The following IRAK1BP1 variants were observed in gnomAD, a reference collection of about 807,000 sequenced individuals.
The protein encoded by IRAK1BP1 is interleukin-1 receptor-associated kinase 1-binding protein 1.
A neutral mutation model predicts 28.0 loss-of-function variants in IRAK1BP1; 24 were observed. The ratio of observed to expected loss-of-function variants is 0.86; its 90% confidence interval spans 0.62 to 1.20. The LOEUF (loss-of-function observed/expected upper bound fraction) is 1.20. Ranked by LOEUF, IRAK1BP1 falls within the 50% of genes most tolerant of loss-of-function variation. IRAK1BP1 has a pLI of 0.00. For missense variants in IRAK1BP1, 336 were observed against 316.7 expected (o/e 1.06, Z -0.46); for synonymous variants, 131 against 116.3 (o/e 1.13, Z -0.81).
rs148472222 is a variant in IRAK1BP1, at chr6:78,878,325, G to A, written c.316-7053G>A. ...TCCAGAGGAAAGATCAGGCAGCAAC[G>A]TTTGCTGTTCTGCAGTATTTGCTGT... On this transcript the variant is annotated intron_variant, in intron 1 of 3. Coordinates refer to ENST00000369940, the MANE Select transcript of IRAK1BP1 (RefSeq NM_001010844.4). Among the ~76,000 whole-genome samples the A allele has an allele frequency of 5.7e-3, 864 of 152,310 alleles. 6 individuals are homozygous for A. Among genetic ancestry groups the A allele is most frequent in the African/African-American group, 0.02 (837 of 41,572 alleles).
rs144780527 is a variant in IRAK1BP1 at position 78,921,940 on chromosome 6, A to T, written c.*67+18830A>T. The stretch of plus-strand genomic sequence containing the variant: ...CCCATCTGTACATCACCATCATCAA[A>T]CACCAAAGGTAGATAAAACCACAAA... On this transcript the variant is annotated intron_variant and NMD_transcript_variant, in intron 4 of 4. Coordinates refer to the IRAK1BP1 transcript ENST00000606868. 2.9e-4 allele frequency among the ~76,000 whole-genome samples: 44 copies of T among 152,322 alleles called. No homozygotes were observed. The East Asian group carries it at 5.0e-3, about 17-fold the overall frequency.
At chr6:78,947,754 T>C (rs1408493465), downstream of IRAK1BP1, 1 of 1,608,456 alleles carries the variant, frequency 6.2e-7, no homozygotes, top group African/African-American at 1.3e-5. Context: ...TCCATTGGAG[T>C]GTCAATGATG....
At chr6:78,869,732 CT>C (rs1770723501) in intron 1 of IRAK1BP1, among the ~76,000 whole-genome samples, 1 of 152,140 alleles carries the variant, frequency 6.6e-6, no homozygotes, top group African/African-American at 2.4e-5. Flanking sequence ...TCATTTTAAA[CT>C]TTAGAATTCT....
the IRAK1BP1 span, chr6:78,963,322 A>T: frequency 8.2e-7 from 1 of 1,214,360 alleles, no homozygotes; most frequent in Non-Finnish European, 1.2e-6. Context: ...TTTAGAATGT[A>T]AAAATAACAG....
intron 4 of IRAK1BP1, among the ~76,000 whole-genome samples, chr6:78,943,120 A>T (rs1334218019): frequency 6.6e-6 from 1 of 152,188 alleles, no homozygotes; most frequent in Admixed American, 6.5e-5. Context: ...GATAAATAAA[A>T]TATTATTAAA....
intron 4 of IRAK1BP1, chr6:78,940,416 AGTGAATGAAATGAAT>A (rs1292274057): frequency 1.9e-5 from 3 of 154,048 alleles, no homozygotes; most frequent in African/African-American, 7.3e-5. Flanking sequence ...CGTTTCAAAC[AGTGAATGAAATGAAT>A]GTGAAAATGC....
At chr6:78,945,348 G>A (rs775318448) in intron 4 of IRAK1BP1, 1 of 1,613,656 alleles carries the variant, frequency 6.2e-7, no homozygotes, top group Non-Finnish European at 8.5e-7. Context: ...GCCTTTGGGA[G>A]TACAGATGAC....
At chr6:78,965,946 A>G in the IRAK1BP1 span, 1 of 1,595,016 alleles carries the variant, frequency 6.3e-7, no homozygotes, top group Non-Finnish European at 8.6e-7. Flanking sequence ...TTTCCTTACC[A>G]AACATTGTAG....
intron 1 of IRAK1BP1, among the ~76,000 whole-genome samples, chr6:78,872,828 G>A (rs145092270): frequency 0.011 from 1,687 of 152,228 alleles, 33 homozygotes; most frequent in African/African-American, 0.039. Context: ...AGCAGTCCAA[G>A]AAATGATACT....
the IRAK1BP1 span, among the ~76,000 whole-genome samples, chr6:78,954,505 A>G: frequency 1.3e-5 from 2 of 152,116 alleles, no homozygotes; most frequent in African/African-American, 4.8e-5. Flanking sequence ...AAATTCATGG[A>G]ATCAGTGTAG....
downstream of IRAK1BP1, among the ~76,000 whole-genome samples, chr6:78,904,786 G>A (rs138397424): frequency 2.7e-4 from 41 of 152,294 alleles, no homozygotes; most frequent in East Asian, 2.7e-3. Context: ...ATAGGGAATA[G>A]GAGGTGAAGT....
At chr6:78,904,938 G>C (rs1447027056), downstream of IRAK1BP1, among the ~76,000 whole-genome samples, 1 of 152,134 alleles carries the variant, frequency 6.6e-6, no homozygotes, top group Non-Finnish European at 1.5e-5. Flanking sequence ...AAAAGATATA[G>C]TGATACAGAT....
At chr6:78,958,719 T>C in the IRAK1BP1 span, 2 of 680,390 alleles carry the variant, frequency 2.9e-6, no homozygotes, top group Admixed American at 2.7e-5. Context: ...TAAAAACCAT[T>C]GGTCTTATAA....
At chr6:78,919,147 A>G (rs1582044111) in intron 4 of IRAK1BP1, among the ~76,000 whole-genome samples, 1 of 152,230 alleles carries the variant, frequency 6.6e-6, no homozygotes, top group African/African-American at 2.4e-5. Flanking sequence ...GTTCTTTAAA[A>G]TAAAGGAAAA....
chr6:78,896,679 A>G (rs1771894057), intron 2 of IRAK1BP1, among the ~76,000 whole-genome samples: 1 of 151,898 alleles, frequency 6.6e-6, no homozygotes, highest in Non-Finnish European at 1.5e-5. Context: ...GATATAATTC[A>G]CTAGGCATGG....
the IRAK1BP1 span, among the ~76,000 whole-genome samples, chr6:78,964,621 T>G: frequency 2.0e-5 from 3 of 152,180 alleles, no homozygotes; most frequent in Middle Eastern, 3.4e-3. Flanking sequence ...ACCTTCTGAG[T>G]AGCTGGGACT....
chr6:78,967,992 G>A, the IRAK1BP1 span, among the ~76,000 whole-genome samples: 3 of 151,960 alleles, frequency 2.0e-5, no homozygotes, highest in African/African-American at 7.3e-5. Flanking sequence ...AAAAAAATTA[G>A]CCAGGCGTGG....
chr6:78,922,872 C>T (rs1772778324), intron 4 of IRAK1BP1, among the ~76,000 whole-genome samples: 1 of 152,092 alleles, frequency 6.6e-6, no homozygotes, highest in African/African-American at 2.4e-5. Context: ...CAAGCAAATG[C>T]TGAGAGATTT....
At chr6:78,972,693 A>G in the IRAK1BP1 span, among the ~76,000 whole-genome samples, 12 of 152,230 alleles carry the variant, frequency 7.9e-5, no homozygotes, top group Non-Finnish European at 1.3e-4. Context: ...AGGAGCTGAT[A>G]GAGCTGAAAA....
Sources: allele counts gnomAD v4.1 joint callset (sites outside exome capture counted in the v4.1 genomes callset), GRCh38; gene constraint gnomAD v4.1.1; transcripts MANE v1.5; gene names NCBI Gene and HGNC (gene_info 2026-07-23, HGNC 2026-07-21).